Variants in BMP2K observed in about 807,000 individuals in gnomAD.
BMP2K encodes the protein BMP-2-inducible protein kinase.
In BMP2K, 74 loss-of-function variants were observed where a neutral mutation model predicts 116.0. The ratio of observed to expected loss-of-function variants is 0.64; its 90% confidence interval spans 0.53 to 0.77. The LOEUF (loss-of-function observed/expected upper bound fraction) is 0.77. Among genes scored for constraint, BMP2K ranks in the 30% least tolerant of loss-of-function variants. BMP2K has a pLI of 0.00. For synonymous variants in BMP2K, 486 were observed against 502.5 expected (o/e 0.97, Z 0.44); for missense variants, 1,365 against 1,403.6 (o/e 0.97, Z 0.44).
At chr4:78,837,954 A>G (rs1730570878) in intron 3 of BMP2K, among the ~76,000 whole-genome samples, 1 of 152,148 alleles carries the variant, frequency 6.6e-6, no homozygotes, top group Non-Finnish European at 1.5e-5. Context: ...TGTTAGTTTT[A>G]AATTTTTTTC....
chr4:78,891,360 G>A (rs544033072), intron 15 of BMP2K, among the ~76,000 whole-genome samples: 5 of 152,130 alleles, frequency 3.3e-5, no homozygotes, highest in Admixed American at 6.5e-5. Flanking sequence ...GAATATTCAA[G>A]ATGTTGTACC....
Position 78,833,562 on chromosome 4 carries a change from ATTTTT to A in BMP2K, c.298-13_298-9del. The A allele has an allele frequency of 8.3e-7, 1 of 1,199,570 alleles. No individual in the cohort carries two copies. Among genetic ancestry groups the A allele is most frequent in the Non-Finnish European group, 1.2e-6 (1 of 868,406 alleles). The allele number at this position is 1,199,570 out of a possible 1,614,324, so 74.3% of individuals were successfully genotyped here. ...TTTAAATGTACATTTTCCAGTTTTC[ATTTTT>A]TTTTTTCTTTCCAGAAAGAGCTATC... On this transcript the variant is annotated splice_polypyrimidine_tract_variant and intron_variant, in intron 2 of 15. Coordinates refer to ENST00000502613, the MANE Select transcript of BMP2K (RefSeq NM_198892.2).
intron 15 of BMP2K, among the ~76,000 whole-genome samples, chr4:78,900,613 T>A (rs571407241): frequency 6.6e-6 from 1 of 152,368 alleles, no homozygotes; most frequent in South Asian, 2.1e-4. Flanking sequence ...TGGCCTACCT[T>A]ACTTTGGCCA....
chr4:78,827,024 T>G (rs997803120), intron 2 of BMP2K, among the ~76,000 whole-genome samples: 2 of 152,218 alleles, frequency 1.3e-5, no homozygotes, highest in Non-Finnish European at 2.9e-5. Flanking sequence ...CACAGTTTTT[T>G]TGGCTTCCCA....
At chr4:78,872,447 C>A in intron 12 of BMP2K, 167 bp from the exon 13 acceptor site, 1 of 528,652 alleles carries the variant, frequency 1.9e-6, no homozygotes, top group Non-Finnish European at 3.1e-6. Flanking sequence ...AGATTTATTT[C>A]ATCTTGCTGT....
intron 1 of BMP2K, among the ~76,000 whole-genome samples, chr4:78,806,840 CTT>C (rs1038770824): frequency 1.6e-5 from 2 of 128,252 alleles, no homozygotes; most frequent in Non-Finnish European, 1.7e-5. Context: ...CTTATCTTTT[CTT>C]TTTTTTTTTT....
At chr4:78,861,808 T>G (rs1731808239) in intron 9 of BMP2K, among the ~76,000 whole-genome samples, 1 of 152,076 alleles carries the variant, frequency 6.6e-6, no homozygotes, top group Admixed American at 6.6e-5. Context: ...TAGATGTTTA[T>G]TTTTTTAATT....
intron 9 of BMP2K, among the ~76,000 whole-genome samples, chr4:78,864,601 G>T (rs1731956435): frequency 6.6e-6 from 1 of 151,576 alleles, no homozygotes; most frequent in Non-Finnish European, 1.5e-5. Context: ...TGTTAATAGG[G>T]CTCCCTCTTG....
chr4:78,832,573 G>C (rs1730260666), intron 2 of BMP2K, among the ~76,000 whole-genome samples: 1 of 152,124 alleles, frequency 6.6e-6, no homozygotes, highest in Non-Finnish European at 1.5e-5. Flanking sequence ...TTTACCTCAA[G>C]ATGATGGAGA....
intron 10 of BMP2K, among the ~76,000 whole-genome samples, chr4:78,868,358 TACCTCCCCCTGG>T (rs1367355877): frequency 6.6e-6 from 1 of 152,134 alleles, no homozygotes; most frequent in Non-Finnish European, 1.5e-5. Flanking sequence ...GTGATTCAGT[TACCTCCCCCTGG>T]GTCCGTCCTA....
chr4:78,835,553 C>T (rs577826550), intron 3 of BMP2K, among the ~76,000 whole-genome samples: 4 of 148,506 alleles, frequency 2.7e-5, no homozygotes, highest in Admixed American at 6.9e-5. Context: ...GGCATGAACC[C>T]GGGAGGTGGA....
chr4:78,825,466 T>C (rs372201043), intron 1 of BMP2K, among the ~76,000 whole-genome samples: 1 of 152,222 alleles, frequency 6.6e-6, no homozygotes, highest in Admixed American at 6.5e-5. Context: ...GTCTTTTATC[T>C]ATGGAAAATC....
intron 13 of BMP2K, among the ~76,000 whole-genome samples, chr4:78,878,263 C>T (rs1051630879): frequency 1.3e-5 from 2 of 152,108 alleles, no homozygotes; most frequent in African/African-American, 4.8e-5. Context: ...GGCATTTGAT[C>T]ACTGTGTTCA....
At chr4:78,804,272 C>G (rs927446908) in intron 1 of BMP2K, among the ~76,000 whole-genome samples, 7 of 152,158 alleles carry the variant, frequency 4.6e-5, no homozygotes, top group African/African-American at 1.7e-4. Flanking sequence ...AAGTTTCATT[C>G]ATGTTTTAAC....
chr4:78,911,007 CAG>C lies in BMP2K; in HGVS notation c.2464_2465del (p.Asp822GlnfsTer11). The C allele has an allele frequency of 6.2e-7, 1 of 1,613,626 alleles. No homozygotes were observed. On this transcript the variant is annotated frameshift_variant, in exon 16 of 16. Coordinates refer to ENST00000502613, the MANE Select transcript of BMP2K (RefSeq NM_198892.2). LOFTEE classifies it high-confidence loss of function. ...AGTACAGTGACATGAGCTCTGTCTA[CAG>C]AGACAGATCTGGCAGTGGACCAACC... ...AKYSDMSSVYRDRSGSGPTQD... is the reference protein window; with the variant it reads ...AKYSDMSSVYXDRSGSGPTQD...
intron 3 of BMP2K, among the ~76,000 whole-genome samples, chr4:78,834,646 G>T (rs1445250707): frequency 6.6e-6 from 1 of 152,146 alleles, no homozygotes; most frequent in Non-Finnish European, 1.5e-5. Context: ...TGTGGTTCTA[G>T]GGAGCCCTGG....
At chr4:78,898,741 TTATATG>T (rs1733844233) in intron 15 of BMP2K, 1 of 151,492 alleles carries the variant, frequency 6.6e-6, no homozygotes, top group African/African-American at 2.4e-5. Context: ...AGAAATAACT[TTATATG>T]TATTGAATCA....
chr4:78,861,288 A>C, intron 8 of BMP2K, 101 bp from the exon 9 acceptor site: 1 of 846,632 alleles, frequency 1.2e-6, no homozygotes, highest in South Asian at 2.0e-5. Context: ...ATAGTGTCTC[A>C]TAGTACTTTT....
chr4:78,812,758 T>G (rs886810183), intron 1 of BMP2K, among the ~76,000 whole-genome samples: 10 of 152,144 alleles, frequency 6.6e-5, no homozygotes, highest in Admixed American at 6.5e-4. Context: ...ACTATTTGGC[T>G]GTGGTGGCTC....
Sources: allele counts gnomAD v4.1 joint callset (sites outside exome capture counted in the v4.1 genomes callset), GRCh38; gene constraint gnomAD v4.1.1; transcripts MANE v1.5; gene names NCBI Gene and HGNC (gene_info 2026-07-23, HGNC 2026-07-21).